Variants in STARD9 observed in about 807,000 individuals in gnomAD.
STARD9 encodes the protein stAR-related lipid transfer protein 9.
In STARD9, 346 loss-of-function variants were observed where a neutral mutation model predicts 399.8. The ratio of observed to expected loss-of-function variants is 0.87; its 90% CI spans 0.79 to 0.95. The LOEUF is 0.95. STARD9 is among the 40% of genes least tolerant of loss of function. The probability of loss-of-function intolerance (pLI) is 0.00; values close to 1 mark genes in which losing one functional copy is unlikely to be tolerated. For missense variants in STARD9, 5,832 were observed against 5,667.5 expected (o/e 1.03, Z -0.93); for synonymous variants, 2,203 against 2,143.5 (o/e 1.03, Z -0.77).
rs2140427022 is a variant in STARD9, at chr15:42,718,026, C to T, written c.13609C>T (p.Pro4537Ser). 6.5e-7 allele frequency: 1 copy of T among 1,537,220 alleles called. No individual in the cohort carries two copies. The highest frequency in any genetic ancestry group is 2.4e-5 in the East Asian group (1 of 40,906). Residue 4537 changes from proline to serine, a missense_variant, in exon 30 of 33, where the codon CCC (proline) becomes TCC (serine). Physicochemically the swap from Pro to Ser is moderately conservative, Grantham distance 74. Coordinates refer to ENST00000290607, the MANE Select transcript of STARD9 (RefSeq NM_020759.3). ...GCAGCTTTACTACAAGGTGTTTTCT[C>T]CCACTCGGCATGGCTTCCTGGGGGC... is the stretch of plus-strand genomic sequence containing the variant. Reference protein sequence around the residue: ...AVQLYYKVFSPTRHGFLGAGV... With the variant: ...AVQLYYKVFSSTRHGFLGAGV...
intron 3 of STARD9, among the ~76,000 whole-genome samples, chr15:42,610,441 T>C (rs79994978): frequency 0.016 from 2,511 of 152,350 alleles, 62 homozygotes; most frequent in African/African-American, 0.056. Context: ...TAACAATCAG[T>C]GTCCCCTACT....
intron 3 of STARD9, among the ~76,000 whole-genome samples, chr15:42,621,373 A>G (rs1340980040): frequency 1.3e-5 from 2 of 152,178 alleles, no homozygotes; most frequent in Non-Finnish European, 2.9e-5. Flanking sequence ...GTGGATTACA[A>G]CCTGTTACTA....
intron 26 of STARD9, among the ~76,000 whole-genome samples, chr15:42,699,003 A>AG (rs1331810454): frequency 8.2e-6 from 1 of 121,698 alleles, no homozygotes; most frequent in Non-Finnish European, 1.7e-5. Flanking sequence ...AGTTTACCAG[A>AG]GTATTCTTTC....
chr15:42,656,869 G>C (rs909776947), intron 9 of STARD9, among the ~76,000 whole-genome samples: 4 of 152,128 alleles, frequency 2.6e-5, no homozygotes, highest in Admixed American at 6.6e-5. Context: ...TGTGGGAAAG[G>C]GGGGTGAGGG....
intron 7 of STARD9, among the ~76,000 whole-genome samples, chr15:42,645,772 G>A (rs1375931251): frequency 6.6e-6 from 1 of 151,994 alleles, no homozygotes; most frequent in African/African-American, 2.4e-5. Flanking sequence ...GAACTTGTGG[G>A]CTCAAGAGAT....
At chr15:42,666,237 AT>A (rs2060100672) in intron 15 of STARD9, among the ~76,000 whole-genome samples, 1 of 152,206 alleles carries the variant, frequency 6.6e-6, no homozygotes, top group South Asian at 2.1e-4. Flanking sequence ...TTGGAAACAC[AT>A]TTAGAGAATG....
chr15:42,692,817 C>T lies in STARD9; in HGVS notation c.11239C>T (p.Leu3747Phe), dbSNP rs1165128882. ...QTDLTLPTLC[L>F]QTSEAEPQGA... ...TGACCTCACCTTACCCACCCTGTGC[C>T]TCCAGACTTCAGAGGCTGAACCTCA... is the stretch of plus-strand genomic sequence containing the variant. The change falls in exon 23 of 33, where the codon CTC (leucine) becomes TTC (phenylalanine). Residue 3747 changes from leucine (L) to phenylalanine (F), a missense_variant. Leu to Phe is a conservative substitution (Grantham distance 22). This residue lies in a region of STARD9 where 5,828 missense variants were observed against 5,651.1 expected (regional missense o/e 1.03). Transcript: ENST00000290607. 8 of 1,537,128 alleles carry T rather than the reference C, an allele frequency of 5.2e-6. No individual in the cohort carries two copies. In the East Asian group the frequency reaches 7.3e-5, roughly 14 times the overall value.
intron 20 of STARD9, among the ~76,000 whole-genome samples, chr15:42,677,294 C>G (rs1366501565): frequency 6.6e-6 from 1 of 152,072 alleles, no homozygotes; most frequent in Non-Finnish European, 1.5e-5. Flanking sequence ...TGCTGTGATT[C>G]AGGAAAGCAT....
In STARD9 at chr15:42,694,735, A is replaced by G. The variant is rs1281416737; in HGVS notation, c.12962+10A>G. 1 of 1,536,054 alleles carries G rather than the reference A, an allele frequency of 6.5e-7. No individual in the cohort carries two copies. Among genetic ancestry groups the G allele is most frequent in the Non-Finnish European group, 8.7e-7 (1 of 1,146,174 alleles). On this transcript the variant is annotated intron_variant, in intron 24 of 32. Coordinates refer to ENST00000290607, the MANE Select transcript of STARD9 (RefSeq NM_020759.3). Reference sequence around the variant, plus strand: ...TTGTGGAGACCACCAGGTAGTGTGGACCGAGAACCCTGCTGGGAGCAGGCT... The same window carrying G: ...TTGTGGAGACCACCAGGTAGTGTGGGCCGAGAACCCTGCTGGGAGCAGGCT...
At chr15:42,579,644 TG>T (rs2058126992) in intron 1 of STARD9, among the ~76,000 whole-genome samples, 1 of 152,050 alleles carries the variant, frequency 6.6e-6, no homozygotes, top group Non-Finnish European at 1.5e-5. Context: ...GCAAGAAAAC[TG>T]GAAGAACACA....
rs1468035137 is a variant in STARD9 at position 42,687,335 on chromosome 15, A to G, written c.5757A>G (p.Glu1919=). 2 of 1,536,772 alleles carry G rather than the reference A, an allele frequency of 1.3e-6. No homozygotes were observed. The highest frequency in any genetic ancestry group is 4.9e-5 in the East Asian group (2 of 40,914). The part of the protein sequence containing the change: ...LFRESEAREE[E]ELDQNTVLRQ... ...GTGAATCTGAGGCACGAGAGGAAGA[A>G]GAGCTGGATCAGAATACGGTTCTGA... Residue 1919 remains glutamate, a synonymous_variant, in exon 23 of 33, where the codon GAA becomes GAG. Transcript: ENST00000290607.
intron 16 of STARD9, 105 bp downstream of exon 16, chr15:42,669,442 C>G: frequency 9.7e-7 from 1 of 1,032,608 alleles, no homozygotes; most frequent in Non-Finnish European, 1.4e-6. Context: ...GAAATCAAGA[C>G]AGATGCTACA....
chr15:42,609,103 T>C (rs2058797280), intron 3 of STARD9, among the ~76,000 whole-genome samples: 1 of 152,098 alleles, frequency 6.6e-6, no homozygotes, highest in Non-Finnish European at 1.5e-5. Flanking sequence ...GGACTGCTGC[T>C]CTTTTGAATG....
intron 3 of STARD9, among the ~76,000 whole-genome samples, chr15:42,625,207 A>G (rs1021668760): frequency 1.3e-5 from 2 of 150,738 alleles, no homozygotes; most frequent in Admixed American, 1.3e-4. Flanking sequence ...TTGTATTTTT[A>G]GTAGAGATGG....
intron 16 of STARD9, chr15:42,673,889 G>A (rs1320876183): frequency 2.2e-6 from 1 of 455,990 alleles, no homozygotes; most frequent in Non-Finnish European, 4.4e-6. Flanking sequence ...TATTCTAGAG[G>A]TGCTTTTCTC....
intron 32 of STARD9, 130 bp downstream of exon 32, chr15:42,719,040 A>G: frequency 1.3e-6 from 1 of 776,096 alleles, no homozygotes; most frequent in Non-Finnish European, 2.0e-6. Context: ...TGGAGACTTG[A>G]GGGCTTCCTG....
rs190421447 is a variant in STARD9, at chr15:42,645,215, C to T, written c.560-5801C>T. Reference sequence around the variant, plus strand: ...TCTGGAAAGTTTTCAATAGACTTTGCCCAGATCCATCAGAGGAATCACTGT... The same window carrying T: ...TCTGGAAAGTTTTCAATAGACTTTGTCCAGATCCATCAGAGGAATCACTGT... On this transcript the variant is annotated intron_variant, in intron 7 of 32. Coordinates refer to ENST00000290607, the MANE Select transcript of STARD9 (RefSeq NM_020759.3). 3.0e-3 allele frequency among the ~76,000 whole-genome samples: 459 copies of T among 152,274 alleles called. 3 individuals are homozygous for T. The highest frequency in any genetic ancestry group is 0.011 in the African/African-American group (443 of 41,554).
Position 42,695,768 on chromosome 15 carries a change from C to T in STARD9, c.13172C>T (p.Ala4391Val). Reference sequence around the variant, plus strand: ...GAAGAGGATAAACTACATACCTTGGCCAATTCCAGCTCCCTGTGCACCAGC... The same window carrying T: ...GAAGAGGATAAACTACATACCTTGGTCAATTCCAGCTCCCTGTGCACCAGC... The part of the protein sequence containing the change: ...LKEEDKLHTL[A>V]NSSSLCTSSN... The change falls in exon 26 of 33, where the codon GCC (alanine) becomes GTC (valine). Residue 4391 changes from alanine (A) to valine (V), a missense_variant. Transcript: ENST00000290607. The T allele has an allele frequency of 6.5e-7, 1 of 1,537,208 alleles. No individual in the cohort carries two copies. Among genetic ancestry groups the T allele is most frequent in the South Asian group, 1.2e-5 (1 of 84,046 alleles).
intron 3 of STARD9, among the ~76,000 whole-genome samples, chr15:42,624,187 A>G (rs752179176): frequency 2.4e-4 from 36 of 152,218 alleles, no homozygotes; most frequent in Non-Finnish European, 5.0e-4. Flanking sequence ...ACAGTGGCTT[A>G]TGTAAGGCTT....
Sources: allele counts gnomAD v4.1 joint callset (sites outside exome capture counted in the v4.1 genomes callset), GRCh38; gene constraint gnomAD v4.1.1; regional missense constraint gnomAD v4.1.1; transcripts MANE v1.5; gene names NCBI Gene and HGNC (gene_info 2026-07-23, HGNC 2026-07-21).